Variants in RASSF3 observed in about 807,000 individuals in gnomAD.
RASSF3 encodes ras association domain-containing protein 3.
A neutral mutation model predicts 19.9 loss-of-function variants in RASSF3; 19 were observed. That is an observed-to-expected ratio of 0.96 (90% CI 0.67 to 1.40). The LOEUF (loss-of-function observed/expected upper bound fraction) is 1.40. Ranked by LOEUF, RASSF3 falls within the 40% of genes most tolerant of loss-of-function variation. RASSF3 has a pLI of 0.00. For synonymous variants in RASSF3, 110 were observed against 104.2 expected (o/e 1.06, Z -0.34); for missense variants, 306 against 289.8 (o/e 1.06, Z -0.41).
At chr12:64,552,351 G>A (rs971620862) in intron 2 of RASSF3, among the ~76,000 whole-genome samples, 1 of 151,690 alleles carries the variant, frequency 6.6e-6, no homozygotes, top group Admixed American at 6.6e-5. Flanking sequence ...GGATGTGCAG[G>A]TACATGTGCA....
chr12:64,640,434 A>G (rs1356927558), intron 1 of RASSF3, among the ~76,000 whole-genome samples: 1 of 152,184 alleles, frequency 6.6e-6, no homozygotes, highest in African/African-American at 2.4e-5. Flanking sequence ...CTATAACTTT[A>G]TTCCCATTGA....
rs553300329 is a variant in RASSF3 at position 64,590,991 on chromosome 12, C to T, written c.294+49286C>T. Among the ~76,000 whole-genome samples, 127 of 152,270 alleles carry T rather than the reference C, an allele frequency of 8.3e-4. 2 individuals are homozygous for T. The Middle Eastern group carries it at 0.027, about 33-fold the overall frequency. Reference sequence around the variant, plus strand: ...GAAATACAGCTATTAACTGAAATACCTCTCAATGACACAGCGAAACCTTAT... The same window carrying T: ...GAAATACAGCTATTAACTGAAATACTTCTCAATGACACAGCGAAACCTTAT... On this transcript the variant is annotated intron_variant, in intron 2 of 5. Transcript: ENST00000637125.
chr12:64,610,256 G>T (rs1270427272), upstream of RASSF3, among the ~76,000 whole-genome samples: 1 of 152,064 alleles, frequency 6.6e-6, no homozygotes, highest in Non-Finnish European at 1.5e-5. Context: ...AGCAGACGCA[G>T]CCCTAGCGCC....
intron 2 of RASSF3, among the ~76,000 whole-genome samples, chr12:64,549,055 C>T (rs558677156): frequency 2.6e-5 from 4 of 152,090 alleles, no homozygotes; most frequent in East Asian, 3.9e-4. Context: ...AAGTGGGGTA[C>T]GATAGCCCAA....
intron 2 of RASSF3, among the ~76,000 whole-genome samples, chr12:64,574,491 C>T (rs916696603): frequency 6.6e-6 from 1 of 152,030 alleles, no homozygotes; most frequent in African/African-American, 2.4e-5. Flanking sequence ...TTTTGCAATG[C>T]CCTCAATCAT....
intron 1 of RASSF3, among the ~76,000 whole-genome samples, chr12:64,511,477 G>GT (rs11435877): frequency 0.17 from 25,661 of 152,038 alleles, 3,156 homozygotes; most frequent in East Asian, 0.35. Context: ...GCAAGACTCT[G>GT]TCTCAAAAAC....
intron 2 of RASSF3, among the ~76,000 whole-genome samples, chr12:64,557,336 G>C (rs1869272549): frequency 6.6e-6 from 1 of 152,036 alleles, no homozygotes; most frequent in Middle Eastern, 3.2e-3. Flanking sequence ...GCCCAACTGG[G>C]TCACATGGGT....
At chr12:64,534,704 T>C (rs139327801) in intron 1 of RASSF3, among the ~76,000 whole-genome samples, 91 of 151,990 alleles carry the variant, frequency 6.0e-4, no homozygotes, top group Admixed American at 9.2e-4. Flanking sequence ...AGAGAGACAA[T>C]GGTATTTTTA....
rs1017148319 is a variant in RASSF3 at position 64,547,602 on chromosome 12, CGGAA to C, written c.294+5914_294+5917del. ...AAAGAAAAAAGAAGGGAAGGAAGGA[CGGAA>C]GGAAGGAAGGAAGGAACTTTTCAAC... On this transcript the variant is annotated intron_variant, in intron 2 of 5. Transcript: ENST00000637125. Among the ~76,000 whole-genome samples the C allele has an allele frequency of 3.9e-3, 584 of 151,152 alleles. 3 individuals are homozygous for C. Among genetic ancestry groups the C allele is most frequent in the African/African-American group, 0.014 (558 of 41,256 alleles).
At chr12:64,675,135 G>C (rs1872850129) in intron 1 of RASSF3, among the ~76,000 whole-genome samples, 1 of 145,482 alleles carries the variant, frequency 6.9e-6, no homozygotes, top group South Asian at 2.2e-4. Context: ...CAACAGATGG[G>C]GATTGCGTGT....
intron 2 of RASSF3, among the ~76,000 whole-genome samples, chr12:64,571,964 G>A (rs1015683844): frequency 1.5e-4 from 23 of 152,284 alleles, no homozygotes; most frequent in African/African-American, 5.3e-4. Context: ...GGAGGACAAA[G>A]GGCCTTCCAC....
intron 1 of RASSF3, among the ~76,000 whole-genome samples, chr12:64,538,425 G>C (rs945403749): frequency 2.6e-5 from 4 of 152,122 alleles, no homozygotes; most frequent in African/African-American, 9.7e-5. Flanking sequence ...CGAGTGGTTA[G>C]GACTTCAACA....
At chr12:64,555,257 A>G (rs927311884) in intron 2 of RASSF3, among the ~76,000 whole-genome samples, 1 of 151,734 alleles carries the variant, frequency 6.6e-6, no homozygotes, top group African/African-American at 2.4e-5. Context: ...AAAAAATTTG[A>G]TTCTAGAAAT....
Position 64,696,698 on chromosome 12 carries a change from C to A in RASSF3, c.*1786C>A, listed in dbSNP as rs1868377457. 1.3e-5 allele frequency: 2 copies of A among 152,040 alleles called. No individual in the cohort carries two copies. Among genetic ancestry groups the A allele is most frequent in the South Asian group, 4.2e-4 (2 of 4,804 alleles). The allele number at this position is 152,040 out of a possible 1,614,324, so 9.4% of individuals were successfully genotyped here. ...GGCAGACTTAAGTTGTTATGCTGTG[C>A]CACACAATTTACTGAGACAATCATA... On this transcript the variant is annotated 3_prime_UTR_variant, in exon 5 of 5. Coordinates refer to ENST00000542104, the MANE Select transcript of RASSF3 (RefSeq NM_178169.4).
chr12:64,522,509 C>A (rs1439629444), intron 1 of RASSF3, among the ~76,000 whole-genome samples: 1 of 152,104 alleles, frequency 6.6e-6, no homozygotes, highest in East Asian at 1.9e-4. Flanking sequence ...CACAAAAGAC[C>A]ACGAATGTTA....
intron 2 of RASSF3, among the ~76,000 whole-genome samples, chr12:64,576,935 A>G (rs1435259283): frequency 7.2e-5 from 11 of 152,040 alleles, no homozygotes; most frequent in African/African-American, 2.4e-4. Flanking sequence ...AAGCAGTGGC[A>G]TGCATGCTAT....
Position 64,559,491 on chromosome 12 carries a change from G to A in RASSF3, c.294+17786G>A, listed in dbSNP as rs546775684. On this transcript the variant is annotated intron_variant, in intron 2 of 5. Coordinates refer to the RASSF3 transcript ENST00000637125. ...TCACCGTGTTAGCCAGGATGGTCTC[G>A]ATCTCCTGACCTCGTGATCTGCCCA... 2.6e-3 allele frequency among the ~76,000 whole-genome samples: 399 copies of A among 152,020 alleles called. 2 individuals are homozygous for A. The highest frequency in any genetic ancestry group is 9.2e-3 in the African/African-American group (383 of 41,476).
At chr12:64,601,121 CA>C (rs1379592806) in intron 2 of RASSF3, among the ~76,000 whole-genome samples, 1 of 151,872 alleles carries the variant, frequency 6.6e-6, no homozygotes, top group Non-Finnish European at 1.5e-5. Context: ...GACCATGCCT[CA>C]ATAAATAAAT....
At chr12:64,513,984 A>G (rs1366654763) in intron 1 of RASSF3, among the ~76,000 whole-genome samples, 1 of 148,238 alleles carries the variant, frequency 6.7e-6, no homozygotes, top group African/African-American at 2.5e-5. Context: ...GGTTCAAGCA[A>G]TTCTCCTGCC....
Sources: gnomAD v4.1 joint callset for allele counts (sites outside exome capture counted in the v4.1 genomes callset) on GRCh38, gnomAD v4.1.1 for gene constraint, MANE v1.5 for transcripts, NCBI Gene and HGNC (gene_info 2026-07-23, HGNC 2026-07-21) for gene names.